EYS: variants seen among roughly 807,000 people sequenced by gnomAD.
EYS encodes the protein EGF-like photoreceptor maintenance factor, also known as protein eyes shut homolog.
A neutral mutation model predicts 282.1 loss-of-function variants in EYS; 250 were observed. That is an observed-to-expected ratio of 0.89 (90% CI 0.80 to 0.98). The LOEUF is 0.98. Among genes scored for constraint, EYS ranks in the 50% least tolerant of loss-of-function variants. EYS has a pLI of 0.00. For missense variants in EYS, 4,016 were observed against 3,709.0 expected (o/e 1.08, Z -2.15); for synonymous variants, 1,355 against 1,282.9 (o/e 1.06, Z -1.20).
chr6:65,394,211 AGT>A (rs540710569), intron 7 of EYS, among the ~76,000 whole-genome samples: 74 of 151,938 alleles, frequency 4.9e-4, no homozygotes, highest in African/African-American at 1.7e-3. Context: ...AGTAAAAATT[AGT>A]GTGTGTGTAT....
At chr6:65,384,943 T>C (rs1765745804) in intron 7 of EYS, among the ~76,000 whole-genome samples, 1 of 151,884 alleles carries the variant, frequency 6.6e-6, no homozygotes. Flanking sequence ...GGTCTAGTTA[T>C]AGTTGGGCTA....
At chr6:64,568,128 T>A (rs1315181550) in intron 26 of EYS, among the ~76,000 whole-genome samples, 1 of 152,150 alleles carries the variant, frequency 6.6e-6, no homozygotes, top group Non-Finnish European at 1.5e-5. Context: ...CTGCAGAGGA[T>A]TAGCCTTAAG....
chr6:64,200,018 C>A (rs1304055723), intron 31 of EYS, among the ~76,000 whole-genome samples: 1 of 152,010 alleles, frequency 6.6e-6, no homozygotes, highest in Admixed American at 6.6e-5. Flanking sequence ...ATCTACCCAG[C>A]CACAAAAAGA....
intron 33 of EYS, among the ~76,000 whole-genome samples, chr6:64,019,658 C>T (rs1231509980): frequency 6.6e-6 from 1 of 151,922 alleles, no homozygotes; most frequent in Non-Finnish European, 1.5e-5. Context: ...ATCTGCCCGC[C>T]TCGGCCTCTC....
intron 40 of EYS, among the ~76,000 whole-genome samples, chr6:63,764,939 A>T (rs933992327): frequency 1.3e-5 from 2 of 152,010 alleles, no homozygotes; most frequent in African/African-American, 4.8e-5. Flanking sequence ...ATAATAAAAA[A>T]ATTTCAAGCC....
At chr6:64,924,109 T>C (rs1261296662) in intron 15 of EYS, among the ~76,000 whole-genome samples, 1 of 152,198 alleles carries the variant, frequency 6.6e-6, no homozygotes, top group Non-Finnish European at 1.5e-5. Context: ...CAGCAAATTT[T>C]GCCTGGGCAT....
chr6:65,393,425 G>A (rs112462958), intron 7 of EYS, among the ~76,000 whole-genome samples: 2 of 152,112 alleles, frequency 1.3e-5, no homozygotes, highest in Non-Finnish European at 2.9e-5. Flanking sequence ...AAGCTTTCCT[G>A]TTGAAAATTA....
At chr6:64,614,804 T>A (rs1033205436) in intron 24 of EYS, among the ~76,000 whole-genome samples, 2 of 152,060 alleles carry the variant, frequency 1.3e-5, no homozygotes, top group African/African-American at 4.8e-5. Context: ...GTGCTAAAAG[T>A]AAAAAGCAGA....
chr6:63,960,026 TA>T (rs78745411), intron 35 of EYS, among the ~76,000 whole-genome samples: 826 of 138,890 alleles, frequency 5.9e-3, no homozygotes, highest in Middle Eastern at 0.018. Context: ...AAAGTAAAAT[TA>T]AAAAAAAAAA....
intron 22 of EYS, among the ~76,000 whole-genome samples, chr6:64,732,748 C>CAA (rs34398615): frequency 6.6e-6 from 1 of 151,896 alleles, no homozygotes; most frequent in East Asian, 1.9e-4. Context: ...ATGAAACAGG[C>CAA]AAAAAAGAGT....
intron 13 of EYS, among the ~76,000 whole-genome samples, chr6:65,006,424 C>T (rs1771660094): frequency 7.1e-6 from 1 of 141,376 alleles, no homozygotes; most frequent in Admixed American, 7.4e-5. Context: ...GGGACAACTG[C>T]TTCACTAAAA....
chr6:64,864,385 C>CTTTTTTTTTTTTTTTTTTTTTTTTTTTTT lies in EYS; in HGVS notation c.2992+22311_2992+22312insAAAAAAAAAAAAAAAAAAAAAAAAAAAAA. 4.7e-3 allele frequency among the ~76,000 whole-genome samples: 271 copies of CTTTTTTTTTTTTTTTTTTTTTTTTTTTTT among 57,182 alleles called. 78 individuals carry two copies. The highest frequency in any genetic ancestry group is 6.1e-3 in the Non-Finnish European group (169 of 27,916). The allele number at this position is 57,182 out of a possible 152,430, so 37.5% of individuals were successfully genotyped here. On this transcript the variant is annotated intron_variant, in intron 19 of 42. Coordinates refer to ENST00000503581, the MANE Select transcript of EYS (RefSeq NM_001142800.2). ...GAGAAATACAGAGGTGCTATACCTTCTTTTTTTTTTTTTTTTTTTTTGACA... is the reference window on the plus strand; with the variant it reads ...GAGAAATACAGAGGTGCTATACCTTCTTTTTTTTTTTTTTTTTTTTTTTTTTTTTTTTTTTTTTTTTTTTTTTTTTGACA...
chr6:65,330,821 C>T (rs1373123425), intron 11 of EYS: 1 of 944,080 alleles, frequency 1.1e-6, no homozygotes, highest in Non-Finnish European at 1.3e-6. Context: ...ACTTTTAGAT[C>T]CCTATACACA....
At chr6:64,881,674 A>T (rs1766924044) in intron 19 of EYS, among the ~76,000 whole-genome samples, 1 of 151,782 alleles carries the variant, frequency 6.6e-6, no homozygotes, top group African/African-American at 2.4e-5. Context: ...CACATTTGTG[A>T]CATTAGCAAA....
In EYS at chr6:65,018,112, C is replaced by T. The variant is rs1002385145; in HGVS notation, c.2138-20409G>A. On this transcript the variant is annotated intron_variant, in intron 13 of 42. Coordinates refer to ENST00000503581, the MANE Select transcript of EYS (RefSeq NM_001142800.2). The stretch of plus-strand genomic sequence containing the variant: ...GTACTTGTGTCTATTTTTCTGTGAT[C>T]GATAAAAAAACACACTGCATTCTCA... 4.7e-4 allele frequency among the ~76,000 whole-genome samples: 72 copies of T among 152,130 alleles called. 1 individual carries two copies. The highest frequency in any genetic ancestry group is 2.5e-4 in the Non-Finnish European group (17 of 67,992).
intron 30 of EYS, among the ~76,000 whole-genome samples, chr6:64,288,642 A>G (rs115604634): frequency 0.015 from 2,271 of 152,120 alleles, 15 homozygotes; most frequent in East Asian, 0.033. Flanking sequence ...TCTCTACTTT[A>G]TTTTCCTTTT....
Position 64,711,070 on chromosome 6 carries a change from G to A in EYS, c.3444-84825C>T, listed in dbSNP as rs75644396. 1.6e-3 allele frequency among the ~76,000 whole-genome samples: 245 copies of A among 152,252 alleles called. 1 individual carries two copies. The highest frequency in any genetic ancestry group is 5.7e-3 in the African/African-American group (236 of 41,536). On this transcript the variant is annotated intron_variant, in intron 22 of 42. Transcript: ENST00000503581. ...GCAGAAAATACAATTTTCTGACAAG[G>A]TTGTCTCATCTTGACAAGACATGAA...
intron 13 of EYS, among the ~76,000 whole-genome samples, chr6:65,023,664 T>C (rs539823303): frequency 2.6e-5 from 4 of 152,330 alleles, no homozygotes; most frequent in East Asian, 1.9e-4. Flanking sequence ...TTGAAACCAG[T>C]TGAAGCAGCA....
chr6:64,111,084 G>T (rs920822453), intron 31 of EYS, among the ~76,000 whole-genome samples: 2 of 152,018 alleles, frequency 1.3e-5, no homozygotes, highest in African/African-American at 4.8e-5. Flanking sequence ...TAGAACAAAA[G>T]AAGTTGTAGA....
Sources: gnomAD v4.1 joint callset for allele counts (sites outside exome capture counted in the v4.1 genomes callset) on GRCh38, gnomAD v4.1.1 for gene constraint, MANE v1.5 for transcripts, NCBI Gene and HGNC (gene_info 2026-07-23, HGNC 2026-07-21) for gene names.